The following ME3 variants were observed in gnomAD, a reference collection of about 807,000 sequenced individuals.
ME3 encodes malic enzyme 3.
A neutral mutation model predicts 68.9 loss-of-function variants in ME3; 48 were observed. The ratio of observed to expected loss-of-function variants is 0.70; its 90% CI spans 0.55 to 0.89. The LOEUF is 0.89. ME3 is among the 40% of genes least tolerant of loss of function. The probability of loss-of-function intolerance (pLI) is 0.00; values close to 1 mark genes in which losing one functional copy is unlikely to be tolerated. For missense variants in ME3, 675 were observed against 797.4 expected (o/e 0.85, Z 1.85); for synonymous variants, 320 against 318.8 (o/e 1.00, Z -0.04).
chr11:86,575,932 A>G (rs547801315), intron 2 of ME3, among the ~76,000 whole-genome samples: 98 of 152,194 alleles, frequency 6.4e-4, no homozygotes, highest in Non-Finnish European at 1.0e-3. Context: ...GAAATTGTGA[A>G]TAAGAGCTGG....
chr11:86,474,277 C>T (rs1440973051), intron 7 of ME3, among the ~76,000 whole-genome samples: 1 of 152,196 alleles, frequency 6.6e-6, no homozygotes, highest in Non-Finnish European at 1.5e-5. Context: ...AGCAAAAGTC[C>T]CAGGATAATG....
chr11:86,486,239 T>A (rs985796149), intron 7 of ME3, among the ~76,000 whole-genome samples: 3 of 152,222 alleles, frequency 2.0e-5, no homozygotes, highest in Admixed American at 6.5e-5. Context: ...CATCCTACAG[T>A]CCATCATTCA....
At chr11:86,453,155 T>C (rs1316420999) in intron 8 of ME3, among the ~76,000 whole-genome samples, 2 of 152,068 alleles carry the variant, frequency 1.3e-5, no homozygotes, top group Non-Finnish European at 2.9e-5. Flanking sequence ...CCCACCACCA[T>C]GCCCAGCTAA....
At chr11:86,655,833 T>A (rs1167907047) in intron 2 of ME3, among the ~76,000 whole-genome samples, 1 of 151,754 alleles carries the variant, frequency 6.6e-6, no homozygotes, top group Non-Finnish European at 1.5e-5. Flanking sequence ...GGGAGAAAAT[T>A]TTCGCAACCT....
intron 7 of ME3, among the ~76,000 whole-genome samples, chr11:86,485,308 G>C (rs527963418): frequency 2.6e-5 from 4 of 152,152 alleles, no homozygotes; most frequent in Non-Finnish European, 4.4e-5. Context: ...CTTCACTATC[G>C]TAGTTATTGC....
intron 7 of ME3, among the ~76,000 whole-genome samples, chr11:86,485,912 C>T (rs895327423): frequency 1.3e-5 from 2 of 152,206 alleles, no homozygotes; most frequent in African/African-American, 4.8e-5. Flanking sequence ...ACAGTAACCC[C>T]AAGGGGGCCC....
chr11:86,441,164 A>T, exon 15 of ME3: 1 of 1,113,606 alleles, frequency 9.0e-7, no homozygotes, highest in Non-Finnish European at 1.2e-6. Flanking sequence ...CACACCAGAA[A>T]GTTTAAAAGA....
intron 2 of ME3, among the ~76,000 whole-genome samples, chr11:86,576,996 C>T (rs945220522): frequency 2.0e-5 from 3 of 152,170 alleles, no homozygotes; most frequent in African/African-American, 4.8e-5. Context: ...TCTTTCCTTT[C>T]AAATAATCAG....
chr11:86,647,770 AC>A (rs1945123774), intron 2 of ME3, among the ~76,000 whole-genome samples: 1 of 152,176 alleles, frequency 6.6e-6, no homozygotes, highest in Non-Finnish European at 1.5e-5. Context: ...GTTCTTAGAG[AC>A]CTACAAAGAG....
intron 4 of ME3, among the ~76,000 whole-genome samples, chr11:86,530,422 C>T (rs181465838): frequency 4.3e-4 from 65 of 152,270 alleles, no homozygotes; most frequent in South Asian, 4.2e-3. Context: ...GGCCATAGTG[C>T]CCAAGGTAAT....
chr11:86,594,677 CA>C (rs1226012769), intron 2 of ME3, among the ~76,000 whole-genome samples: 1 of 145,284 alleles, frequency 6.9e-6, no homozygotes, highest in Non-Finnish European at 1.5e-5. Context: ...GACCCTTTCT[CA>C]AAAAACAATA....
chr11:86,497,812 C>G (rs1594185976), intron 6 of ME3, 151 bp downstream of exon 6: 3 of 903,802 alleles, frequency 3.3e-6, no homozygotes, highest in African/African-American at 1.7e-5. Context: ...CTCTACTCCA[C>G]AACTGTGTAG....
intron 2 of ME3, among the ~76,000 whole-genome samples, chr11:86,664,227 A>G (rs1215905674): frequency 2.0e-5 from 3 of 152,242 alleles, no homozygotes; most frequent in Non-Finnish European, 4.4e-5. Context: ...TAAAGAGGAA[A>G]TAAATCTCCC....
chr11:86,466,333 C>T (rs1417344843), intron 7 of ME3, among the ~76,000 whole-genome samples: 1 of 152,120 alleles, frequency 6.6e-6, no homozygotes, highest in African/African-American at 2.4e-5. Context: ...TAGGTTTCAC[C>T]TCATGGGTCA....
intron 4 of ME3, among the ~76,000 whole-genome samples, chr11:86,528,273 T>A (rs1172495545): frequency 6.6e-6 from 1 of 152,134 alleles, no homozygotes. Flanking sequence ...CATTACATAA[T>A]GGTAAAGGGA....
rs1957105809 is a variant in ME3 at position 86,559,682 on chromosome 11, G to C, written c.317+8C>G. Reference sequence around the variant, plus strand: ...ACCAGACAGAGAGAACAGACACTAGGTACTGACTTGTCCAGGTCACTCTGC... The same window carrying C: ...ACCAGACAGAGAGAACAGACACTAGCTACTGACTTGTCCAGGTCACTCTGC... On this transcript the variant is annotated splice_region_variant and intron_variant, in intron 3 of 14. Transcript: ENST00000543262. 6.2e-7 allele frequency: 1 copy of C among 1,611,902 alleles called. No homozygotes were observed. Among genetic ancestry groups the C allele is most frequent in the Non-Finnish European group, 8.5e-7 (1 of 1,178,704 alleles).
chr11:86,654,233 CT>C (rs1945692595), intron 2 of ME3, among the ~76,000 whole-genome samples: 1 of 152,186 alleles, frequency 6.6e-6, no homozygotes, highest in African/African-American at 2.4e-5. Context: ...GGAATCCTCC[CT>C]AACTCATTTT....
chr11:86,656,338 T>A (rs374202544), intron 2 of ME3, among the ~76,000 whole-genome samples: 5,918 of 151,704 alleles, frequency 0.039, 150 homozygotes, highest in Non-Finnish European at 0.059. Flanking sequence ...AGCAAAGACT[T>A]GGAACCAACC....
chr11:86,666,553 C>T (rs1340601536), intron 2 of ME3, among the ~76,000 whole-genome samples: 2 of 152,200 alleles, frequency 1.3e-5, no homozygotes, highest in Non-Finnish European at 2.9e-5. Flanking sequence ...CTTAGTAATC[C>T]TGTGAAGCTA....
Sources: gnomAD v4.1 joint callset for allele counts (sites outside exome capture counted in the v4.1 genomes callset) on GRCh38, gnomAD v4.1.1 for gene constraint, MANE v1.5 for transcripts, NCBI Gene and HGNC (gene_info 2026-07-23, HGNC 2026-07-21) for gene names.